IFT74: variants seen among roughly 807,000 people sequenced by gnomAD.
The protein encoded by IFT74 is intraflagellar transport protein 74 homolog.
IFT74 carries 92 observed loss-of-function variants against 96.7 expected under a neutral mutation model. That is an observed-to-expected ratio of 0.95 (90% CI 0.80 to 1.13). The LOEUF is 1.13. Among genes scored for constraint, IFT74 ranks in the 50% most tolerant of loss-of-function variants. IFT74 has a pLI of 0.00. For missense variants in IFT74, 811 were observed against 698.2 expected, an observed-to-expected ratio of 1.16 and a Z score of -1.82; for synonymous variants, 223 against 213.2, an observed-to-expected ratio of 1.05 and a Z score of -0.40.
intron 8 of IFT74, among the ~76,000 whole-genome samples, chr9:26,999,272 T>G (rs1828346099): frequency 6.6e-6 from 1 of 152,154 alleles, no homozygotes; most frequent in Admixed American, 6.6e-5. Flanking sequence ...TGCAGTTAGA[T>G]TTTTTCACCA....
At chr9:26,952,733 A>C (rs7869798), upstream of IFT74, among the ~76,000 whole-genome samples, 12,931 of 152,276 alleles carry the variant, frequency 0.085, 1,772 homozygotes, top group East Asian at 0.69. Flanking sequence ...ATACAGATGC[A>C]AGAAAATGTT....
intron 2 of IFT74, among the ~76,000 whole-genome samples, chr9:26,976,191 GTGGGACACGTCTCCCCC>G (rs1178219770): frequency 6.6e-6 from 1 of 152,190 alleles, no homozygotes; most frequent in Non-Finnish European, 1.5e-5. Context: ...CAATGCGACA[GTGGGACACGTCTCCCCC>G]TGGGTGGGGT....
chr9:27,029,220 A>T, intron 13 of IFT74, 116 bp downstream of exon 13: 1 of 655,260 alleles, frequency 1.5e-6, no homozygotes, highest in South Asian at 3.4e-5. Context: ...TTAATTCTCT[A>T]TGATATTACT....
At chr9:26,959,565 T>C (rs778319716) in intron 1 of IFT74, among the ~76,000 whole-genome samples, 9 of 152,084 alleles carry the variant, frequency 5.9e-5, no homozygotes, top group Non-Finnish European at 1.3e-4. Flanking sequence ...TAAAGATAAT[T>C]GGTAGCAGTG....
At chr9:26,996,461 G>A in intron 8 of IFT74, 5 of 1,540,710 alleles carry the variant, frequency 3.2e-6, no homozygotes, top group Non-Finnish European at 4.4e-6. Context: ...TAGCTCTGCA[G>A]GCTGTTGGGG....
Position 26,991,946 on chromosome 9 carries a change from T to C in IFT74, c.587+1751T>C, listed in dbSNP as rs189170820. On this transcript the variant is annotated intron_variant, in intron 8 of 19. Coordinates refer to ENST00000380062, the MANE Select transcript of IFT74 (RefSeq NM_025103.4). ...CGGGAGACTGAAGCAGGAGAATCAC[T>C]TGAACCTGGGAGGCAGAGGTTGCAG... Among the ~76,000 whole-genome samples, 906 of 152,184 alleles carry C rather than the reference T, an allele frequency of 6.0e-3. 9 individuals carry two copies. The highest frequency in any genetic ancestry group is 0.021 in the African/African-American group (863 of 41,530).
chr9:27,062,302 G>A (rs1820462512), intron 19 of IFT74, among the ~76,000 whole-genome samples: 1 of 152,138 alleles, frequency 6.6e-6, no homozygotes, highest in African/African-American at 2.4e-5. Flanking sequence ...GTGTATGTGT[G>A]TATGTGTGTT....
chr9:26,948,628 A>C (rs111935272), intron 1 of IFT74, among the ~76,000 whole-genome samples: 7,197 of 151,624 alleles, frequency 0.047, 223 homozygotes, highest in South Asian at 0.13. Context: ...CACCATGCCC[A>C]GCTAAATTTT....
intron 14 of IFT74, 137 bp from the exon 15 acceptor site, chr9:27,047,137 A>T (rs1819725858): frequency 1.9e-6 from 1 of 516,022 alleles, no homozygotes; most frequent in Admixed American, 3.6e-5. Context: ...GTGCCACTGC[A>T]CTCCAGCCTG....
Position 27,056,444 on chromosome 9 carries a change from T to G in IFT74, c.1608T>G (p.Asn536Lys), listed in dbSNP as rs1171934723. 1.3e-6 allele frequency: 2 copies of G among 1,595,584 alleles called. No individual in the cohort carries two copies. The highest frequency in any genetic ancestry group is 3.6e-5 in the Admixed American group (2 of 56,296). ...CACTAAAAACACAATTGCAAGAAAA[T>G]GAGACACATTCTCAGGTAAAAAATG... ...YEALKTQLQE[N>K]ETHSQLTNLE... Residue 536 changes from asparagine (N) to lysine (K), a missense_variant, in exon 18 of 20, where the codon AAT becomes AAG. Asn to Lys is a moderately conservative substitution (Grantham distance 94). Transcript: ENST00000380062.
chr9:26,947,289 AG>A (rs1009340945), intron 1 of IFT74: 8 of 514,312 alleles, frequency 1.6e-5, no homozygotes, highest in African/African-American at 1.4e-4. Flanking sequence ...TCCATGACGC[AG>A]AGTGTGTGCG....
rs561610559 is a variant in IFT74, at chr9:26,978,188, C to T, written c.181C>T (p.Leu61=). ...RGCPIGTGGV[L]SSQIKVAHRP... ...TTGTCCCATAGGGACTGGTGGAGTT[C>T]TGTCTTCTCAAATCAAAGTTGCCCA... The change falls in exon 3 of 20, where the codon CTG becomes TTG. Residue 61 remains leucine, a synonymous_variant. Transcript: ENST00000380062. 21 of 1,613,584 alleles carry T rather than the reference C, an allele frequency of 1.3e-5. No homozygotes were observed. In the African/African-American group the frequency reaches 2.8e-4, roughly 22 times the overall value.
chr9:26,965,306 C>A (rs974503398), intron 2 of IFT74, among the ~76,000 whole-genome samples: 2 of 152,166 alleles, frequency 1.3e-5, no homozygotes, highest in African/African-American at 4.8e-5. Context: ...CAATACTCAA[C>A]CTCCTACAGT....
intron 8 of IFT74, chr9:26,995,706 C>G (rs1828115614): frequency 6.2e-7 from 1 of 1,613,836 alleles, no homozygotes; most frequent in Non-Finnish European, 8.5e-7. Flanking sequence ...GCTTCATGCT[C>G]TTCCAGGCGA....
chr9:26,961,090 T>C (rs955082910), intron 1 of IFT74, among the ~76,000 whole-genome samples: 1 of 150,318 alleles, frequency 6.7e-6, no homozygotes, highest in Non-Finnish European at 1.5e-5. Flanking sequence ...CTTGTTTTTT[T>C]TTTTTTTTTT....
upstream of IFT74, among the ~76,000 whole-genome samples, chr9:26,952,010 A>G (rs1172412908): frequency 6.6e-6 from 1 of 152,244 alleles, no homozygotes; most frequent in African/African-American, 2.4e-5. Flanking sequence ...AAGCTAATAC[A>G]TTTCAATTTC....
chr9:26,973,128 G>A lies in IFT74; in HGVS notation c.121-5000G>A, dbSNP rs192913941. Among the ~76,000 whole-genome samples, 25 of 152,318 alleles carry A rather than the reference G, an allele frequency of 1.6e-4. 1 individual carries two copies. Among genetic ancestry groups the A allele is most frequent in the Admixed American group, 1.4e-3 (21 of 15,300 alleles). ...ATATGTCTCGGCTATCCTCAGCCAA[G>A]GGGCATGCGCAGAAAGCATCCTTCA... On this transcript the variant is annotated intron_variant, in intron 2 of 19. Transcript: ENST00000380062.
rs1820554692 is a variant in IFT74 at position 27,064,679 on chromosome 9, T to C, written c.*1943T>C. On this transcript the variant is annotated 3_prime_UTR_variant, in exon 20 of 20. Coordinates refer to ENST00000380062, the MANE Select transcript of IFT74 (RefSeq NM_025103.4). The stretch of plus-strand genomic sequence containing the variant: ...AGGAAGGGAATCTGGAAAACATGTT[T>C]GTGGATAGGTAATCTTTGTTTTCCT... 6.6e-6 allele frequency among the ~76,000 whole-genome samples: 1 copy of C among 152,174 alleles called. No homozygotes were observed. Among genetic ancestry groups the C allele is most frequent in the South Asian group, 2.1e-4 (1 of 4,832 alleles).
chr9:26,996,736 A>G (rs1322511739), intron 8 of IFT74, among the ~76,000 whole-genome samples: 2 of 152,134 alleles, frequency 1.3e-5, no homozygotes. Flanking sequence ...ATTAGTGTAG[A>G]TTTTATTATT....
Sources: allele counts gnomAD v4.1 joint callset (sites outside exome capture counted in the v4.1 genomes callset), GRCh38; gene constraint gnomAD v4.1.1; transcripts MANE v1.5; gene names NCBI Gene and HGNC (gene_info 2026-07-23, HGNC 2026-07-21).